CLEC16A: variants seen among roughly 807,000 people sequenced by gnomAD.
The protein encoded by CLEC16A is C-type lectin domain containing 16A, also known as protein CLEC16A.
In CLEC16A, 51 loss-of-function variants were observed where a neutral mutation model predicts 109.5. The observed-to-expected ratio is 0.47, with a 90% CI of 0.37 to 0.59. The LOEUF (loss-of-function observed/expected upper bound fraction) is 0.59. CLEC16A is among the 20% of genes least tolerant of loss of function. The pLI, the probability that CLEC16A is intolerant of heterozygous loss-of-function variation, is 0.00. For synonymous variants in CLEC16A, 673 were observed against 564.2 expected, an observed-to-expected ratio of 1.19 and a Z score of -2.73; for missense variants, 1,339 against 1,394.0, an observed-to-expected ratio of 0.96 and a Z score of 0.63.
At chr16:11,133,232 G>A (rs776411989) in intron 22 of CLEC16A, among the ~76,000 whole-genome samples, 5 of 152,012 alleles carry the variant, frequency 3.3e-5, no homozygotes, top group Admixed American at 6.5e-5. Flanking sequence ...CCAGCTACTC[G>A]GGAGGCTGAG....
At chr16:11,103,059 C>T (rs1196101710) in intron 19 of CLEC16A, among the ~76,000 whole-genome samples, 1 of 152,180 alleles carries the variant, frequency 6.6e-6, no homozygotes, top group Non-Finnish European at 1.5e-5. Flanking sequence ...AGAGGGAGGG[C>T]CTGAGAGATG....
intron 9 of CLEC16A, among the ~76,000 whole-genome samples, chr16:10,981,446 G>C (rs1384802620): frequency 1.3e-5 from 2 of 152,200 alleles, no homozygotes; most frequent in African/African-American, 4.8e-5. Flanking sequence ...TTTTTTAAAA[G>C]ATGCAATTTT....
intron 23 of CLEC16A, among the ~76,000 whole-genome samples, chr16:11,171,923 C>T (rs940230532): frequency 6.6e-5 from 10 of 151,868 alleles, no homozygotes; most frequent in Non-Finnish European, 1.5e-4. Context: ...CACACCAGTA[C>T]ACATACACAC....
At chr16:11,164,014 C>T (rs1382718621) in intron 22 of CLEC16A, among the ~76,000 whole-genome samples, 1 of 152,150 alleles carries the variant, frequency 6.6e-6, no homozygotes, top group East Asian at 1.9e-4. Context: ...CTGAGTGTCC[C>T]CAAGGAATCT....
At chr16:11,162,817 A>G (rs1179309891) in intron 22 of CLEC16A, among the ~76,000 whole-genome samples, 1 of 152,124 alleles carries the variant, frequency 6.6e-6, no homozygotes, top group Non-Finnish European at 1.5e-5. Context: ...GCACACCAAT[A>G]TGCTGAATAT....
chr16:11,078,566 G>A (rs942099943), intron 19 of CLEC16A, among the ~76,000 whole-genome samples: 3 of 152,162 alleles, frequency 2.0e-5, no homozygotes, highest in Non-Finnish European at 2.9e-5. Flanking sequence ...ACCACCTGCC[G>A]TCCCAGTCAC....
intron 22 of CLEC16A, among the ~76,000 whole-genome samples, chr16:11,130,747 C>G (rs928819028): frequency 1.2e-4 from 18 of 152,300 alleles, no homozygotes; most frequent in Admixed American, 8.5e-4. Context: ...GGAGTCCTTG[C>G]TTCTGCCTAG....
At chr16:11,031,271 G>A (rs1471398088) in intron 13 of CLEC16A, among the ~76,000 whole-genome samples, 2 of 152,318 alleles carry the variant, frequency 1.3e-5, no homozygotes, top group East Asian at 3.9e-4. Context: ...AGCAAAGAAG[G>A]TGCTGTCTGT....
At chr16:11,001,840 C>G (rs1055974968) in intron 10 of CLEC16A, among the ~76,000 whole-genome samples, 1 of 152,164 alleles carries the variant, frequency 6.6e-6, no homozygotes, top group African/African-American at 2.4e-5. Flanking sequence ...ACTTTGTCCT[C>G]TGGGGCGAGC....
chr16:10,998,888 G>A (rs921096079), intron 10 of CLEC16A, among the ~76,000 whole-genome samples: 3 of 152,150 alleles, frequency 2.0e-5, no homozygotes, highest in African/African-American at 4.8e-5. Context: ...CAGAAGCAGG[G>A]TGACCGGAGC....
At chr16:11,145,160 CTTGG>C (rs1418920400) in intron 22 of CLEC16A, among the ~76,000 whole-genome samples, 2 of 152,138 alleles carry the variant, frequency 1.3e-5, no homozygotes, top group African/African-American at 2.4e-5. Flanking sequence ...CTGTCCTGGA[CTTGG>C]TTGGAGGGCC....
At chr16:11,087,786 C>T (rs1486905132) in intron 19 of CLEC16A, among the ~76,000 whole-genome samples, 1 of 152,230 alleles carries the variant, frequency 6.6e-6, no homozygotes, top group Non-Finnish European at 1.5e-5. Flanking sequence ...ATGGGTACAC[C>T]GAGGCCCAGA....
intron 13 of CLEC16A, among the ~76,000 whole-genome samples, chr16:11,025,745 T>A (rs1052862669): frequency 2.1e-4 from 23 of 112,070 alleles, no homozygotes; most frequent in Non-Finnish European, 3.8e-4. Flanking sequence ...ATACATGATA[T>A]AACTAAGTTT....
At chr16:10,983,137 CAG>C (rs2043422965) in intron 10 of CLEC16A, 146 bp downstream of exon 10, 3 of 575,114 alleles carry the variant, frequency 5.2e-6, no homozygotes, top group South Asian at 4.0e-5. Flanking sequence ...TGAACCTAAT[CAG>C]AGTCTTGATT....
intron 11 of CLEC16A, among the ~76,000 whole-genome samples, chr16:11,013,629 G>A (rs1028508024): frequency 1.3e-5 from 2 of 152,266 alleles, no homozygotes; most frequent in African/African-American, 4.8e-5. Context: ...ATGGTGATGT[G>A]TACCTATAGT....
chr16:11,098,219 C>T (rs1259151325), intron 19 of CLEC16A, among the ~76,000 whole-genome samples: 2 of 152,224 alleles, frequency 1.3e-5, no homozygotes, highest in African/African-American at 2.4e-5. Context: ...TCTCAGTGCC[C>T]ACCCCTCAAC....
chr16:11,016,140 TA>T (rs1448027699), intron 11 of CLEC16A, among the ~76,000 whole-genome samples: 1 of 147,374 alleles, frequency 6.8e-6, no homozygotes, highest in Non-Finnish European at 1.5e-5. Context: ...AAATAGATTT[TA>T]AAAGATGAGA....
chr16:11,142,674 G>A (rs893502906), intron 22 of CLEC16A, among the ~76,000 whole-genome samples: 5 of 152,232 alleles, frequency 3.3e-5, no homozygotes, highest in Admixed American at 1.3e-4. Flanking sequence ...AAGGTTCTGG[G>A]TCTGGCCAAG....
At chr16:11,090,539 T>C (rs2050245228) in intron 19 of CLEC16A, among the ~76,000 whole-genome samples, 1 of 152,196 alleles carries the variant, frequency 6.6e-6, no homozygotes, top group South Asian at 2.1e-4. Flanking sequence ...ACTTTCCTAT[T>C]ACATTTCTCC....
Sources: gnomAD v4.1 joint callset for allele counts (sites outside exome capture counted in the v4.1 genomes callset) on GRCh38, gnomAD v4.1.1 for gene constraint, MANE v1.5 for transcripts, NCBI Gene and HGNC (gene_info 2026-07-23, HGNC 2026-07-21) for gene names.